PCDH15: variants seen among roughly 807,000 people sequenced by gnomAD.
The protein encoded by PCDH15 is protocadherin-15.
Under a neutral mutation model 178.5 loss-of-function variants are expected in PCDH15, and 129 were observed. The ratio of observed to expected loss-of-function variants is 0.72; its 90% confidence interval spans 0.63 to 0.84. The LOEUF (loss-of-function observed/expected upper bound fraction) is 0.84, where lower values mean the gene tolerates loss of function less well. Ranked by LOEUF, PCDH15 falls within the 40% of genes least tolerant of loss-of-function variation. The probability of loss-of-function intolerance (pLI) is 0.00; values close to 1 mark genes in which losing one functional copy is unlikely to be tolerated. For synonymous variants in PCDH15, 800 were observed against 732.0 expected, an observed-to-expected ratio of 1.09 and a Z score of -1.50; for missense variants, 2,230 against 2,099.9, an observed-to-expected ratio of 1.06 and a Z score of -1.21.
intron 14 of PCDH15, among the ~76,000 whole-genome samples, chr10:54,141,420 T>G (rs1213082373): frequency 6.6e-6 from 1 of 152,190 alleles, no homozygotes; most frequent in Non-Finnish European, 1.5e-5. Context: ...TTATATATTT[T>G]GTAATTTGGA....
intron 2 of PCDH15, among the ~76,000 whole-genome samples, chr10:54,993,899 T>C (rs1839573735): frequency 6.6e-6 from 1 of 152,170 alleles, no homozygotes; most frequent in South Asian, 2.1e-4. Flanking sequence ...GAAATTATCA[T>C]TTACAGCAAT....
intron 2 of PCDH15, among the ~76,000 whole-genome samples, chr10:55,449,959 G>T (rs529297981): frequency 6.6e-6 from 1 of 152,114 alleles, no homozygotes; most frequent in African/African-American, 2.4e-5. Flanking sequence ...TTGAGTGTAG[G>T]TATTTCTGAG....
chr10:55,440,727 C>G (rs1216438604), intron 2 of PCDH15, among the ~76,000 whole-genome samples: 4 of 152,068 alleles, frequency 2.6e-5, no homozygotes, highest in Admixed American at 2.0e-4. Flanking sequence ...ATGTATCAGT[C>G]CGTTTTCACA....
intron 1 of PCDH15, among the ~76,000 whole-genome samples, chr10:55,220,226 C>T: frequency 6.6e-6 from 1 of 152,096 alleles, no homozygotes; most frequent in East Asian, 1.9e-4. Context: ...GTTGTACCAG[C>T]AAACTCTCCC....
At chr10:54,317,562 G>C in intron 7 of PCDH15, 121 bp from the exon 8 acceptor site, 3 of 1,129,578 alleles carry the variant, frequency 2.7e-6, no homozygotes, top group Non-Finnish European at 4.0e-6. Context: ...ATCACTTGAG[G>C]TCAGGGGTTT....
At chr10:55,433,975 T>C (rs1838958111) in intron 2 of PCDH15, among the ~76,000 whole-genome samples, 1 of 152,050 alleles carries the variant, frequency 6.6e-6, no homozygotes, top group Non-Finnish European at 1.5e-5. Flanking sequence ...TAATCTTTTC[T>C]AATGCTCTTT....
chr10:55,465,168 T>A (rs113175791), intron 2 of PCDH15, among the ~76,000 whole-genome samples: 6 of 152,122 alleles, frequency 3.9e-5, no homozygotes, highest in African/African-American at 1.2e-4. Context: ...ACTCACAGGA[T>A]CATGAGGGCT....
chr10:54,978,145 A>T (rs2131900912), intron 2 of PCDH15, among the ~76,000 whole-genome samples: 1 of 152,260 alleles, frequency 6.6e-6, no homozygotes, highest in Admixed American at 6.5e-5. Context: ...TGAAATAATA[A>T]TGTTATGACA....
intron 2 of PCDH15, among the ~76,000 whole-genome samples, chr10:54,586,601 T>C (rs1373048556): frequency 6.6e-6 from 1 of 152,134 alleles, no homozygotes; most frequent in East Asian, 1.9e-4. Flanking sequence ...AATGCTAAAG[T>C]TTAGTTTGGG....
Position 54,216,105 on chromosome 10 carries a change from A to AAT in PCDH15, c.986-2059_986-2058dup, listed in dbSNP as rs540131612. 1.6e-3 allele frequency among the ~76,000 whole-genome samples: 239 copies of AAT among 148,438 alleles called. 2 individuals are homozygous for AAT. In the East Asian group the frequency reaches 0.034, roughly 21 times the overall value. On this transcript the variant is annotated intron_variant, in intron 9 of 37. Transcript: ENST00000644397. ...GTCCAGACAAAATGTTCATATCCCG[A>AAT]ATATATATATATAGGTTTATAAATT... is the stretch of plus-strand genomic sequence containing the variant.
intron 2 of PCDH15, chr10:54,528,474 A>T (rs1245914240): frequency 1.7e-6 from 2 of 1,167,318 alleles, no homozygotes; most frequent in African/African-American, 1.5e-5. Context: ...AAGAGAGAAT[A>T]TATGTATATA....
intron 1 of PCDH15, among the ~76,000 whole-genome samples, chr10:54,678,281 G>A (rs547329805): frequency 2.0e-5 from 3 of 152,262 alleles, no homozygotes; most frequent in South Asian, 2.1e-4. Flanking sequence ...CTTGCCTCAT[G>A]TATTGATTTA....
chr10:55,309,859 A>G (rs1843535414), intron 1 of PCDH15, among the ~76,000 whole-genome samples: 2 of 152,170 alleles, frequency 1.3e-5, no homozygotes, highest in African/African-American at 4.8e-5. Context: ...GATGAATCCC[A>G]ATCCATCACC....
At chr10:54,157,822 G>A (rs534008543) in intron 13 of PCDH15, among the ~76,000 whole-genome samples, 2 of 152,054 alleles carry the variant, frequency 1.3e-5, no homozygotes, top group Admixed American at 6.6e-5. Context: ...AATTTATTCC[G>A]CCAGGTATCC....
chr10:54,181,922 TTTC>T (rs1476280321), intron 13 of PCDH15, among the ~76,000 whole-genome samples: 7 of 152,076 alleles, frequency 4.6e-5, no homozygotes, highest in African/African-American at 1.7e-4. Flanking sequence ...CATTGAATGA[TTTC>T]TTTTTTCTTT....
intron 10 of PCDH15, among the ~76,000 whole-genome samples, chr10:54,198,496 T>TAATAACCAGCATGTCA (rs1564659406): frequency 1.1e-4 from 1 of 8,942 alleles, no homozygotes; most frequent in Non-Finnish European, 1.7e-4. Context: ...CTAATTATTC[T>TAATAACCAGCATGTCA]TTTTTTTTTT....
At chr10:54,635,162 TATAAATAAATAA>T (rs67991291) in intron 2 of PCDH15, among the ~76,000 whole-genome samples, 55 of 145,428 alleles carry the variant, frequency 3.8e-4, no homozygotes, top group African/African-American at 1.3e-3. Context: ...AATAGTCTCC[TATAAATAAATAA>T]ATAAATAAAT....
At position 55,115,131 on chromosome 10, in the gene PCDH15, T is replaced by C. The variant is rs563335448; in HGVS notation, c.-80+51445A>G. Among the ~76,000 whole-genome samples the C allele has an allele frequency of 2.0e-5, 3 of 152,334 alleles. No individual in the cohort carries two copies. The South Asian group carries it at 6.2e-4, about 32-fold the overall frequency. ...GGTGATAAATTCTATACTTGAACCA[T>C]TTGTTTTCCTCCTGTTAATTATAAA... On this transcript the variant is annotated intron_variant, in intron 2 of 5. Coordinates refer to the PCDH15 transcript ENST00000458638.
chr10:54,205,744 T>C (rs1180408711), intron 10 of PCDH15, among the ~76,000 whole-genome samples: 3 of 152,032 alleles, frequency 2.0e-5, no homozygotes, highest in Non-Finnish European at 2.9e-5. Flanking sequence ...ATTCAAAATT[T>C]AATACTCTAA....
Sources: allele counts gnomAD v4.1 joint callset (sites outside exome capture counted in the v4.1 genomes callset), GRCh38; gene constraint gnomAD v4.1.1; transcripts MANE v1.5; gene names NCBI Gene and HGNC (gene_info 2026-07-23, HGNC 2026-07-21).